Variants in FBXL5 observed in about 807,000 individuals in gnomAD.
FBXL5 encodes the protein F-box and leucine rich repeat protein 5, also known as F-box/LRR-repeat protein 5.
In FBXL5, 26 loss-of-function variants were observed where a neutral mutation model predicts 78.3. That is an observed-to-expected ratio of 0.33 (90% confidence interval 0.24 to 0.46). The LOEUF is 0.46. FBXL5 is among the 20% of genes least tolerant of loss of function. The pLI is 1.00. For missense variants in FBXL5, 710 were observed against 829.2 expected (o/e 0.86, Z 1.77); for synonymous variants, 295 against 282.5 (o/e 1.04, Z -0.45).
At chr4:15,677,412 G>C (rs73243131) in intron 1 of FBXL5, among the ~76,000 whole-genome samples, 13,738 of 152,162 alleles carry the variant, frequency 0.09, 783 homozygotes, top group Non-Finnish European at 0.13. Context: ...TGACTCATAG[G>C]GGTTGGGAGA....
At chr4:15,628,159 C>T in intron 6 of FBXL5, 126 bp from the exon 7 acceptor site, 1 of 917,868 alleles carries the variant, frequency 1.1e-6, no homozygotes, top group East Asian at 2.9e-5. Context: ...TGTAAACCAT[C>T]CCATTTTTAG....
chr4:15,652,630 A>T (rs1323934982), intron 1 of FBXL5, among the ~76,000 whole-genome samples: 6 of 152,242 alleles, frequency 3.9e-5, no homozygotes, highest in African/African-American at 1.4e-4. Flanking sequence ...TACCTAAAAA[A>T]TAAGTAGACT....
intron 5 of FBXL5, 131 bp downstream of exon 5, chr4:15,636,363 A>G (rs1448361122): frequency 2.9e-6 from 2 of 684,300 alleles, no homozygotes; most frequent in Non-Finnish European, 4.3e-6. Context: ...TACCACCAAA[A>G]CATCATCTAA....
chr4:15,676,054 C>T (rs1717982680), intron 1 of FBXL5, among the ~76,000 whole-genome samples: 1 of 152,170 alleles, frequency 6.6e-6, no homozygotes, highest in South Asian at 2.1e-4. Flanking sequence ...TTGGCAAATA[C>T]TTAACTTTCT....
At chr4:15,667,671 G>A (rs764062718) in intron 1 of FBXL5, among the ~76,000 whole-genome samples, 18 of 152,118 alleles carry the variant, frequency 1.2e-4, no homozygotes, top group Non-Finnish European at 2.1e-4. Flanking sequence ...GTGGCATTAT[G>A]AGAAGCAATT....
At chr4:15,667,355 T>G (rs2148795421) in intron 1 of FBXL5, among the ~76,000 whole-genome samples, 1 of 152,346 alleles carries the variant, frequency 6.6e-6, no homozygotes, top group East Asian at 1.9e-4. Flanking sequence ...AAACAATTTC[T>G]ATTTTTTAGG....
At chr4:15,641,647 A>G (rs1714891393) in intron 2 of FBXL5, 5 of 448,776 alleles carry the variant, frequency 1.1e-5, no homozygotes, top group Non-Finnish European at 1.3e-5. Flanking sequence ...AAGTTTTGAG[A>G]GATTCAAAAG....
rs1232919143 is a variant in FBXL5, at chr4:15,655,314, C to G, written c.-27G>C. The G allele has an allele frequency of 1.5e-6, 2 of 1,366,220 alleles. No individual in the cohort carries two copies. Among genetic ancestry groups the G allele is most frequent in the East Asian group, 3.5e-5 (1 of 28,200 alleles). The allele number at this position is 1,366,220 out of a possible 1,614,324, so 84.6% of individuals were successfully genotyped here. A position where few individuals can be genotyped will look rare whatever the true frequency, so the allele number is the denominator to read the frequency against. On this transcript the variant is annotated 5_prime_UTR_variant, in exon 1 of 11. Transcript: ENST00000341285. ...GCCACTGCCTCAGCCTCCGCCTCAG[C>G]AGCCGCGGCCGCCGCCTCTCCATAG... is the stretch of plus-strand genomic sequence containing the variant.
intron 1 of FBXL5, among the ~76,000 whole-genome samples, chr4:15,650,112 G>C (rs1366693527): frequency 6.6e-6 from 1 of 152,048 alleles, no homozygotes; most frequent in Non-Finnish European, 1.5e-5. Context: ...AGGCAGTTTT[G>C]GTTGTCACCA....
chr4:15,673,405 T>C (rs1468995276), intron 1 of FBXL5, among the ~76,000 whole-genome samples: 1 of 151,992 alleles, frequency 6.6e-6, no homozygotes, highest in Non-Finnish European at 1.5e-5. Flanking sequence ...TGCACTACTC[T>C]ACTCCACCCT....
chr4:15,675,926 T>C (rs796493110), intron 1 of FBXL5, among the ~76,000 whole-genome samples: 21 of 152,326 alleles, frequency 1.4e-4, no homozygotes, highest in African/African-American at 4.3e-4. Flanking sequence ...CTATTCTGAC[T>C]ACCTCAAACA....
chr4:15,664,520 C>CT (rs1717449735), upstream of FBXL5, among the ~76,000 whole-genome samples: 1 of 134,558 alleles, frequency 7.4e-6, no homozygotes, highest in Admixed American at 7.4e-5. Context: ...ATAAACATAT[C>CT]TTTTTCCCCC....
chr4:15,636,047 C>T (rs906674932), intron 5 of FBXL5, among the ~76,000 whole-genome samples: 2 of 151,778 alleles, frequency 1.3e-5, no homozygotes, highest in African/African-American at 4.8e-5. Context: ...TGGTATATCA[C>T]CCTTAAATTT....
chr4:15,669,347 A>T (rs1717668726), intron 1 of FBXL5, among the ~76,000 whole-genome samples: 1 of 152,232 alleles, frequency 6.6e-6, no homozygotes. Flanking sequence ...TAGGAAAGGT[A>T]GAGTAAAAAT....
At chr4:15,659,543 A>G (rs1428585047), upstream of FBXL5, among the ~76,000 whole-genome samples, 1 of 152,186 alleles carries the variant, frequency 6.6e-6, no homozygotes, top group African/African-American at 2.4e-5. Flanking sequence ...TAACTGTCCA[A>G]ATATAGAGTA....
At chr4:15,636,748 T>C (rs188852553) in intron 4 of FBXL5, 72 bp from the exon 5 acceptor site, 2 of 1,160,176 alleles carry the variant, frequency 1.7e-6, no homozygotes, top group Non-Finnish European at 1.2e-6. Context: ...CAATTACATT[T>C]CTATAAACAA....
At chr4:15,665,908 T>C (rs935607385) in intron 1 of FBXL5, among the ~76,000 whole-genome samples, 10 of 152,122 alleles carry the variant, frequency 6.6e-5, no homozygotes, top group African/African-American at 2.2e-4. Context: ...ACAAGTGAAC[T>C]GTCCAAGACC....
At chr4:15,615,659 G>A (rs28808115) in intron 9 of FBXL5, among the ~76,000 whole-genome samples, 1 of 147,598 alleles carries the variant, frequency 6.8e-6, no homozygotes, top group Non-Finnish European at 1.5e-5. Flanking sequence ...GTATCTAGCT[G>A]CTCTGGTGGG....
At chr4:15,613,568 T>C (rs1342335364) in intron 9 of FBXL5, among the ~76,000 whole-genome samples, 1 of 151,938 alleles carries the variant, frequency 6.6e-6, no homozygotes, top group East Asian at 1.9e-4. Flanking sequence ...CCAATTATTC[T>C]TAGATTTGGT....
Sources: allele counts gnomAD v4.1 joint callset (sites outside exome capture counted in the v4.1 genomes callset), GRCh38; gene constraint gnomAD v4.1.1; transcripts MANE v1.5; gene names NCBI Gene and HGNC (gene_info 2026-07-23, HGNC 2026-07-21).